HDAC9: variants seen among roughly 807,000 people sequenced by gnomAD.
HDAC9 encodes histone deacetylase 9.
HDAC9 carries 41 observed loss-of-function variants against 139.4 expected under a neutral mutation model. That is an observed-to-expected ratio of 0.29 (90% CI 0.23 to 0.38). The LOEUF is 0.38. HDAC9 is among the 10% of genes least tolerant of loss of function. The probability of loss-of-function intolerance (pLI) is 1.00; values close to 1 mark genes in which losing one functional copy is unlikely to be tolerated. For missense variants in HDAC9, 1,147 were observed against 1,297.0 expected, an observed-to-expected ratio of 0.88 and a Z score of 1.78; for synonymous variants, 517 against 476.2, an observed-to-expected ratio of 1.09 and a Z score of -1.12.
intron 2 of HDAC9, among the ~76,000 whole-genome samples, chr7:18,178,759 T>C (rs1026763219): frequency 1.3e-5 from 2 of 152,224 alleles, no homozygotes; most frequent in African/African-American, 4.8e-5. Flanking sequence ...TTTTGCATAC[T>C]GTATAATTAG....
At chr7:18,945,985 C>T (rs571779059) in intron 23 of HDAC9, among the ~76,000 whole-genome samples, 8 of 120,082 alleles carry the variant, frequency 6.7e-5, no homozygotes, top group African/African-American at 2.5e-4. Flanking sequence ...TGCATTGAGC[C>T]GAGATAGCAC....
At chr7:18,587,276 T>G (rs1450750567) in intron 3 of HDAC9, among the ~76,000 whole-genome samples, 1 of 152,150 alleles carries the variant, frequency 6.6e-6, no homozygotes, top group Non-Finnish European at 1.5e-5. Flanking sequence ...TTTATTGACA[T>G]CTGGAAAATA....
intron 6 of HDAC9, among the ~76,000 whole-genome samples, chr7:18,619,718 A>G (rs1169535085): frequency 6.6e-6 from 1 of 152,220 alleles, no homozygotes; most frequent in Non-Finnish European, 1.5e-5. Flanking sequence ...TATCTCATAG[A>G]TTAACTAAAA....
intron 2 of HDAC9, among the ~76,000 whole-genome samples, chr7:18,534,256 A>G (rs1810084247): frequency 6.6e-6 from 1 of 152,210 alleles, no homozygotes. Flanking sequence ...GTATGTGGTT[A>G]GAAAGAATCC....
chr7:18,480,062 T>G (rs1795431325), intron 1 of HDAC9, among the ~76,000 whole-genome samples: 1 of 151,532 alleles, frequency 6.6e-6, no homozygotes, highest in Non-Finnish European at 1.5e-5. Context: ...TTTTCCCTAG[T>G]CTGCTGCCAA....
intron 13 of HDAC9, among the ~76,000 whole-genome samples, chr7:18,739,680 G>T (rs1203750992): frequency 6.6e-6 from 1 of 152,162 alleles, no homozygotes; most frequent in Non-Finnish European, 1.5e-5. Context: ...GTGTCTGTCG[G>T]TCCCTACTGG....
intron 1 of HDAC9, among the ~76,000 whole-genome samples, chr7:18,403,143 A>G (rs1787694592): frequency 3.3e-5 from 5 of 152,228 alleles, no homozygotes; most frequent in Admixed American, 3.3e-4. Context: ...TGGGAATTAT[A>G]TTGACTGTGT....
chr7:18,173,317 C>T (rs1283246394), intron 2 of HDAC9, among the ~76,000 whole-genome samples: 1 of 152,206 alleles, frequency 6.6e-6, no homozygotes, highest in East Asian at 1.9e-4. Flanking sequence ...AGATCTTCCT[C>T]CATCCCTTTA....
At chr7:18,174,607 G>C (rs1047399482) in intron 2 of HDAC9, among the ~76,000 whole-genome samples, 3 of 152,198 alleles carry the variant, frequency 2.0e-5, no homozygotes, top group Admixed American at 6.5e-5. Flanking sequence ...TTTGGTCTTT[G>C]ATGTTGGTGA....
intron 13 of HDAC9, among the ~76,000 whole-genome samples, chr7:18,730,817 T>G (rs1785980168): frequency 6.6e-6 from 1 of 152,232 alleles, no homozygotes; most frequent in Middle Eastern, 3.2e-3. Context: ...TAAATTTCCT[T>G]AAGTCAAGAA....
At chr7:18,885,191 A>G (rs946102945) in intron 22 of HDAC9, among the ~76,000 whole-genome samples, 17 of 152,208 alleles carry the variant, frequency 1.1e-4, no homozygotes, top group Non-Finnish European at 2.4e-4. Flanking sequence ...TCCAGCAGAA[A>G]ACATCATAAT....
intron 1 of HDAC9, among the ~76,000 whole-genome samples, chr7:18,473,245 TGTAGGGTTCA>T (rs1465793837): frequency 1.3e-5 from 2 of 152,214 alleles, no homozygotes; most frequent in African/African-American, 4.8e-5. Flanking sequence ...TCAGCATGTT[TGTAGGGTTCA>T]GCAGAGAATT....
intron 22 of HDAC9, among the ~76,000 whole-genome samples, chr7:18,919,754 A>G (rs1181543250): frequency 1.3e-5 from 2 of 152,006 alleles, no homozygotes; most frequent in Non-Finnish European, 2.9e-5. Context: ...TAAGCAAATC[A>G]AAATCTGACT....
chr7:18,267,833 C>T (rs965447848), intron 2 of HDAC9, among the ~76,000 whole-genome samples: 28 of 151,896 alleles, frequency 1.8e-4, no homozygotes, highest in African/African-American at 6.8e-4. Context: ...TGCTAGATCT[C>T]GACTGGAAAT....
In HDAC9 at chr7:18,335,891, G is replaced by T. The variant is rs1032058787; in HGVS notation, c.-42+45376G>T. On this transcript the variant is annotated intron_variant, in intron 1 of 3. Coordinates refer to the HDAC9 transcript ENST00000413509. ...AATCCATAAATAATGGCAAGTGTAA[G>T]ACATGAACTAGTATATTTCAAGAAG... Among the ~76,000 whole-genome samples the T allele has an allele frequency of 3.8e-4, 57 of 151,536 alleles. 1 individual carries two copies. The highest frequency in any genetic ancestry group is 3.7e-4 in the Non-Finnish European group (25 of 67,714).
chr7:18,925,958 A>G (rs1045749577), intron 22 of HDAC9, among the ~76,000 whole-genome samples: 1 of 152,038 alleles, frequency 6.6e-6, no homozygotes, highest in Admixed American at 6.6e-5. Flanking sequence ...TATGGGCCTT[A>G]GTTTCCTCAT....
At position 18,727,613 on chromosome 7, in the gene HDAC9, T is replaced by C. The variant is rs1156459253; in HGVS notation, c.1765T>C (p.Ser589Pro). 1 of 1,594,530 alleles carries C rather than the reference T, an allele frequency of 6.3e-7. No individual in the cohort carries two copies. The highest frequency in any genetic ancestry group is 1.7e-4 in the Middle Eastern group (1 of 6,026). The change falls in exon 13 of 26, where the codon TCT becomes CCT. Residue 589 changes from serine (S) to proline (P), a missense_variant. Coordinates refer to ENST00000686413, the MANE Select transcript of HDAC9 (RefSeq NM_178425.4). The stretch of plus-strand genomic sequence containing the variant: ...GGAACCCACGCACACACGTGCGCTC[T>C]CTGTGCGCCAAGCTCCGCTGGCTGC... ...FLEPTHTRAL[S>P]VRQAPLAAVG...
chr7:18,569,059 T>A (rs1823405504), intron 2 of HDAC9, among the ~76,000 whole-genome samples: 3 of 143,762 alleles, frequency 2.1e-5, no homozygotes, highest in Non-Finnish European at 3.1e-5. Flanking sequence ...AAAAAATAAA[T>A]AAATAAATAA....
chr7:18,446,416 G>A (rs1792300556), intron 1 of HDAC9, among the ~76,000 whole-genome samples: 1 of 152,124 alleles, frequency 6.6e-6, no homozygotes, highest in African/African-American at 2.4e-5. Flanking sequence ...AGATTTGACA[G>A]GACTTGAAAA....
Sources: gnomAD v4.1 joint callset for allele counts (sites outside exome capture counted in the v4.1 genomes callset) on GRCh38, gnomAD v4.1.1 for gene constraint, MANE v1.5 for transcripts, NCBI Gene and HGNC (gene_info 2026-07-23, HGNC 2026-07-21) for gene names.